CNTN4: variants seen among roughly 807,000 people sequenced by gnomAD.
CNTN4 encodes the protein contactin-4.
A neutral mutation model predicts 122.5 loss-of-function variants in CNTN4; 77 were observed. The observed-to-expected ratio is 0.63, with a 90% CI of 0.52 to 0.76. The LOEUF is 0.76. CNTN4 is among the 30% of genes least tolerant of loss of function. CNTN4 has a pLI of 0.00. For synonymous variants in CNTN4, 512 were observed against 447.0 expected, an observed-to-expected ratio of 1.15 and a Z score of -1.83; for missense variants, 1,256 against 1,259.1, an observed-to-expected ratio of 1.00 and a Z score of 0.04.
chr3:2,396,782 A>T lies in CNTN4; in HGVS notation c.-89+57549A>T, dbSNP rs953609118. On this transcript the variant is annotated intron_variant, in intron 3 of 24. Coordinates refer to ENST00000418658, the MANE Select transcript of CNTN4 (RefSeq NM_175607.3). ...AGGCTGTAATTTGGTTCCATGAATT[A>T]TTAATTATTAGACTGATATGGCATC... 2.6e-5 allele frequency among the ~76,000 whole-genome samples: 4 copies of T among 151,896 alleles called. 1 individual carries two copies. Among genetic ancestry groups the T allele is most frequent in the Admixed American group, 2.6e-4 (4 of 15,212 alleles).
chr3:2,830,412 A>G (rs1576972817), intron 7 of CNTN4, among the ~76,000 whole-genome samples: 1 of 152,360 alleles, frequency 6.6e-6, no homozygotes, highest in African/African-American at 2.4e-5. Context: ...GAAAATGAGA[A>G]TGGATCCATA....
At chr3:2,923,158 A>G (rs2094444356) in intron 12 of CNTN4, among the ~76,000 whole-genome samples, 1 of 152,242 alleles carries the variant, frequency 6.6e-6, no homozygotes, top group African/African-American at 2.4e-5. Context: ...TTCAAATGCT[A>G]CTGCAGAATT....
At chr3:2,732,138 A>C (rs530814701) in intron 4 of CNTN4, among the ~76,000 whole-genome samples, 15 of 152,252 alleles carry the variant, frequency 9.9e-5, no homozygotes, top group Non-Finnish European at 1.5e-4. Context: ...CTTTGCCCCC[A>C]AAAAAATGTG....
At chr3:2,492,869 C>T (rs2076355591) in intron 3 of CNTN4, among the ~76,000 whole-genome samples, 1 of 152,114 alleles carries the variant, frequency 6.6e-6, no homozygotes, top group Admixed American at 6.6e-5. Context: ...ACAGTATTGT[C>T]TAAAGTCGTT....
intron 2 of CNTN4, among the ~76,000 whole-genome samples, chr3:2,286,597 A>G (rs2041911354): frequency 6.6e-6 from 1 of 152,160 alleles, no homozygotes; most frequent in Admixed American, 6.6e-5. Flanking sequence ...TGTTGTATTA[A>G]TGCATGAGTG....
chr3:2,329,129 G>A (rs12494952), intron 2 of CNTN4, among the ~76,000 whole-genome samples: 52,259 of 151,874 alleles, frequency 0.34, 9,890 homozygotes, highest in East Asian at 0.8. Flanking sequence ...ATTTACAAGC[G>A]TAACATAAAT....
chr3:2,773,909 G>A (rs116094181), intron 6 of CNTN4, among the ~76,000 whole-genome samples: 1,649 of 151,776 alleles, frequency 0.011, 6 homozygotes, highest in Non-Finnish European at 0.018. Flanking sequence ...ATAGGCACCC[G>A]CCACCACATC....
chr3:2,709,020 G>C lies in CNTN4; in HGVS notation c.56-27195G>C, dbSNP rs917216682. On this transcript the variant is annotated intron_variant, in intron 4 of 24. Transcript: ENST00000418658. The surrounding 1 kb of genome is among the most constrained non-coding windows in gnomAD (Gnocchi z 5.0). ...ATGGGCGTTGCTACTTGGATCTTCA[G>C]AATACATGATATATCTCTTCTCAGA... Among the ~76,000 whole-genome samples, 3 of 152,124 alleles carry C rather than the reference G, an allele frequency of 2.0e-5. No homozygotes were observed. The highest frequency in any genetic ancestry group is 1.3e-4 in the Admixed American group (2 of 15,274).
At chr3:2,297,952 G>A (rs114333116) in intron 2 of CNTN4, among the ~76,000 whole-genome samples, 2 of 152,044 alleles carry the variant, frequency 1.3e-5, no homozygotes, top group Non-Finnish European at 2.9e-5. Context: ...GGCTAGTGTC[G>A]AACTCCTGAG....
intron 6 of CNTN4, among the ~76,000 whole-genome samples, chr3:2,759,236 A>G (rs1260448893): frequency 6.6e-6 from 1 of 151,042 alleles, no homozygotes; most frequent in East Asian, 1.9e-4. Context: ...GCTCACTGCA[A>G]CCTCTGCCTC....
chr3:2,196,507 G>A (rs10575725), intron 2 of CNTN4, among the ~76,000 whole-genome samples: 3,709 of 152,174 alleles, frequency 0.024, 135 homozygotes, highest in African/African-American at 0.085. Flanking sequence ...AATACAGAAA[G>A]TATTTATTGA....
At chr3:2,462,580 AT>A (rs1216762093) in intron 3 of CNTN4, among the ~76,000 whole-genome samples, 1 of 152,182 alleles carries the variant, frequency 6.6e-6, no homozygotes, top group Non-Finnish European at 1.5e-5. Context: ...TATTTTGCAG[AT>A]TTTGTATGCC....
intron 6 of CNTN4, among the ~76,000 whole-genome samples, chr3:2,803,786 C>G (rs537154658): frequency 1.1e-4 from 16 of 152,082 alleles, no homozygotes; most frequent in Admixed American, 3.9e-4. Flanking sequence ...GTCTCGAACT[C>G]CTGACCTCAG....
intron 2 of CNTN4, among the ~76,000 whole-genome samples, chr3:2,264,348 T>A (rs2040957457): frequency 6.6e-6 from 1 of 152,160 alleles, no homozygotes; most frequent in Non-Finnish European, 1.5e-5. Context: ...GTTTTTTACT[T>A]GTACTTTTCT....
chr3:2,551,281 T>C (rs2078493278), intron 3 of CNTN4, among the ~76,000 whole-genome samples: 1 of 152,092 alleles, frequency 6.6e-6, no homozygotes, highest in Non-Finnish European at 1.5e-5. Context: ...TAATGCAATA[T>C]TTTGAATAGA....
At chr3:2,880,637 C>A (rs190241920) in intron 8 of CNTN4, among the ~76,000 whole-genome samples, 140 of 152,280 alleles carry the variant, frequency 9.2e-4, no homozygotes, top group African/African-American at 3.2e-3. Context: ...GAGGCTAGCC[C>A]AGAAAGGAGG....
At chr3:2,309,621 T>C (rs2042842952) in intron 2 of CNTN4, among the ~76,000 whole-genome samples, 2 of 152,132 alleles carry the variant, frequency 1.3e-5, no homozygotes, top group African/African-American at 4.8e-5. Context: ...CCTGTTTAGG[T>C]AATTGTTGCC....
intron 4 of CNTN4, among the ~76,000 whole-genome samples, chr3:2,629,776 T>C (rs929556432): frequency 6.6e-6 from 1 of 152,198 alleles, no homozygotes; most frequent in African/African-American, 2.4e-5. Context: ...GTTTGTTTGT[T>C]TGTTTTCTAA....
intron 2 of CNTN4, among the ~76,000 whole-genome samples, chr3:2,195,661 G>T (rs2037801180): frequency 1.3e-5 from 2 of 152,190 alleles, no homozygotes; most frequent in African/African-American, 2.4e-5. Context: ...TTTGGCACTT[G>T]TTCTGATTCC....
Sources: allele counts gnomAD v4.1 joint callset (sites outside exome capture counted in the v4.1 genomes callset), GRCh38; gene constraint gnomAD v4.1.1; non-coding constraint Gnocchi (gnomAD v3.1); transcripts MANE v1.5; gene names NCBI Gene and HGNC (gene_info 2026-07-23, HGNC 2026-07-21).